Variants in ZNF721 observed in about 807,000 individuals in gnomAD.
The protein encoded by ZNF721 is zinc finger protein 721.
ZNF721 carries 2 observed loss-of-function variants against 2.4 expected under a neutral mutation model. The observed-to-expected ratio is 0.82, with a 90% CI of 0.34 to 2.58. The LOEUF (loss-of-function observed/expected upper bound fraction) is 2.58, where lower values mean the gene tolerates loss of function less well. Among genes scored for constraint, ZNF721 ranks in the 30% most tolerant of loss-of-function variants. ZNF721 has a pLI of 0.11. For synonymous variants in ZNF721, 398 were observed against 381.8 expected, an observed-to-expected ratio of 1.04 and a Z score of -0.50; for missense variants, 1,187 against 1,085.5, an observed-to-expected ratio of 1.09 and a Z score of -1.31.
At position 443,499 on chromosome 4, in the gene ZNF721, T is replaced by A. The variant is rs1553863662; in HGVS notation, c.968A>T (p.His323Leu). Residue 323 changes from histidine to leucine, a missense_variant, in exon 3 of 3, where the codon CAT (histidine) becomes CTT (leucine). His to Leu is a moderately conservative substitution (Grantham distance 99). Coordinates refer to ENST00000511833, the MANE Select transcript of ZNF721 (RefSeq NM_133474.4). Reference protein sequence around the residue: ...AFRQSANLYVHRRIHTGEKPY... With the variant: ...AFRQSANLYVLRRIHTGEKPY... ...TTTCTCTCCAGTATGAATTCTCCTA[T>A]GTACATAAAGGTTTGCGGACTGTCT... 6.2e-7 allele frequency: 1 copy of A among 1,613,822 alleles called. No individual in the cohort carries two copies. Among genetic ancestry groups the A allele is most frequent in the African/African-American group, 1.3e-5 (1 of 74,934 alleles).
intron 2 of ZNF721, among the ~76,000 whole-genome samples, chr4:466,987 G>A (rs1313689493): frequency 6.6e-6 from 1 of 152,202 alleles, no homozygotes; most frequent in African/African-American, 2.4e-5. Context: ...GGGAGGCCAA[G>A]GCAGGCAGAT....
chr4:473,971 G>A, intron 1 of ZNF721: 3 of 1,505,872 alleles, frequency 2.0e-6, no homozygotes, highest in Non-Finnish European at 1.8e-6. Context: ...GCCCTGCCCC[G>A]CACACTCACC....
chr4:483,181 T>C (rs1257280679), intron 1 of ZNF721, among the ~76,000 whole-genome samples: 1 of 152,210 alleles, frequency 6.6e-6, no homozygotes, highest in Non-Finnish European at 1.5e-5. Flanking sequence ...CAGCCTATTA[T>C]ACTATTTTGG....
rs1553863016 is a variant in ZNF721, at chr4:440,952, C to T, written c.*743G>A. ...AAGTGTTGGGATTACAGGCGTGAGC[C>T]ACCGCGCCTGGCCTCTGGTTTCTTA... On this transcript the variant is annotated 3_prime_UTR_variant, in exon 3 of 3. Transcript: ENST00000511833. 6.6e-6 allele frequency: 1 copy of T among 152,330 alleles called. No individual in the cohort carries two copies. Among genetic ancestry groups the T allele is most frequent in the East Asian group, 1.9e-4 (1 of 5,196 alleles). The allele number at this position is 152,330 out of a possible 1,614,324, so 9.4% of individuals were successfully genotyped here.
chr4:453,074 AG>A (rs1451807447), intron 2 of ZNF721, among the ~76,000 whole-genome samples: 1 of 152,252 alleles, frequency 6.6e-6, no homozygotes, highest in Non-Finnish European at 1.5e-5. Flanking sequence ...CCAGAGGACC[AG>A]AAACATGCCT....
Position 442,204 on chromosome 4 carries a change from A to G in ZNF721, c.2263T>C (p.Cys755Arg), listed in dbSNP as rs782291853. 5 of 1,612,282 alleles carry G rather than the reference A, an allele frequency of 3.1e-6. No homozygotes were observed. Among genetic ancestry groups the G allele is most frequent in the Non-Finnish European group, 4.2e-6 (5 of 1,178,946 alleles). ...TTAAACACTTTCCCACATTCTTTACATTTGTAGAGTTTATCTCCAGTATGA... is the reference window on the plus strand; with the variant it reads ...TTAAACACTTTCCCACATTCTTTACGTTTGTAGAGTTTATCTCCAGTATGA... ...KIHTGDKLYKCKECGKVFKQS... is the reference protein window; with the variant it reads ...KIHTGDKLYKRKECGKVFKQS... Residue 755 changes from cysteine to arginine, a missense_variant, in exon 3 of 3, where the codon TGT becomes CGT. Cys to Arg is a radical substitution (Grantham distance 180). Transcript: ENST00000511833.
intron 2 of ZNF721, among the ~76,000 whole-genome samples, chr4:459,338 TA>T (rs1714944072): frequency 6.6e-6 from 1 of 152,074 alleles, no homozygotes; most frequent in East Asian, 1.9e-4. Context: ...ATGCCCCAAT[TA>T]AAAGACACAG....
chr4:458,862 A>G (rs1714925491), intron 2 of ZNF721, among the ~76,000 whole-genome samples: 1 of 151,762 alleles, frequency 6.6e-6, no homozygotes, highest in Non-Finnish European at 1.5e-5. Flanking sequence ...AAAAAAACAG[A>G]TCTAAAAAAT....
In ZNF721 at chr4:444,002, G is replaced by C. The variant is rs781903108; in HGVS notation, c.465C>G (p.His155Gln). ...GTTTCTCTCCAGTATGAATTTTCTTGTGTTGATTCAGGTCTGTGTACCATC... is the reference window on the plus strand; with the variant it reads ...GTTTCTCTCCAGTATGAATTTTCTTCTGTTGATTCAGGTCTGTGTACCATC... ...DFGWYTDLNQ[H>Q]KKIHTGEKPY... is the part of the protein sequence containing the mutation. The change falls in exon 3 of 3, where the codon CAC becomes CAG. Residue 155 changes from histidine (H) to glutamine (Q), a missense_variant. Coordinates refer to ENST00000511833, the MANE Select transcript of ZNF721 (RefSeq NM_133474.4). 16 of 1,613,884 alleles carry C rather than the reference G, an allele frequency of 9.9e-6. No individual in the cohort carries two copies. Among genetic ancestry groups the C allele is most frequent in the East Asian group, 2.2e-5 (1 of 44,830 alleles).
At chr4:446,910 C>T (rs1482492861) in intron 2 of ZNF721, among the ~76,000 whole-genome samples, 2 of 151,438 alleles carry the variant, frequency 1.3e-5, no homozygotes, top group Non-Finnish European at 2.9e-5. Flanking sequence ...AGGATGGTCT[C>T]GATCTCTTTA....
chr4:495,363 A>G (rs1716123770), intron 1 of ZNF721, among the ~76,000 whole-genome samples: 1 of 149,612 alleles, frequency 6.7e-6, no homozygotes, highest in African/African-American at 2.4e-5. Context: ...AGGTCCTAGG[A>G]GAGAAAAACA....
intron 2 of ZNF721, among the ~76,000 whole-genome samples, chr4:452,685 G>A (rs1377193042): frequency 1.3e-5 from 2 of 152,146 alleles, no homozygotes; most frequent in Admixed American, 6.5e-5. Context: ...GGGTACCTTT[G>A]GGGTTTTGGA....
intron 1 of ZNF721, among the ~76,000 whole-genome samples, chr4:496,343 T>C (rs924034467): frequency 6.6e-6 from 1 of 151,888 alleles, no homozygotes; most frequent in African/African-American, 2.4e-5. Context: ...TGGCACAGTG[T>C]CAGAGGCTCA....
chr4:456,164 G>A (rs920707285), intron 2 of ZNF721, among the ~76,000 whole-genome samples: 7 of 152,028 alleles, frequency 4.6e-5, no homozygotes, highest in East Asian at 3.9e-4. Context: ...TCCGCCTCCC[G>A]GGTTCAAGTG....
chr4:465,326 G>C (rs542688137), intron 2 of ZNF721, among the ~76,000 whole-genome samples: 1 of 152,116 alleles, frequency 6.6e-6, no homozygotes, highest in African/African-American at 2.4e-5. Context: ...AGTTGAGGCC[G>C]AACTGAGCTG....
intron 1 of ZNF721, among the ~76,000 whole-genome samples, chr4:485,989 A>T (rs1315664040): frequency 5.3e-5 from 8 of 151,810 alleles, no homozygotes; most frequent in African/African-American, 1.9e-4. Context: ...TAAATAAATA[A>T]ATAAATAAAT....
At chr4:475,051 G>T (rs1194830136) in intron 1 of ZNF721, among the ~76,000 whole-genome samples, 2 of 152,070 alleles carry the variant, frequency 1.3e-5, no homozygotes, top group African/African-American at 4.8e-5. Flanking sequence ...GCCGGGCGTG[G>T]TGGGGGGCGC....
intron 2 of ZNF721, among the ~76,000 whole-genome samples, chr4:450,460 C>G (rs1553864710): frequency 6.6e-6 from 1 of 152,022 alleles, no homozygotes; most frequent in Admixed American, 6.6e-5. Flanking sequence ...TATGTGAAAT[C>G]TAATATAAAC....
intron 2 of ZNF721, among the ~76,000 whole-genome samples, chr4:456,694 C>G (rs1714859077): frequency 6.6e-6 from 1 of 152,158 alleles, no homozygotes; most frequent in South Asian, 2.1e-4. Context: ...TTCTGGCTAA[C>G]ATGGTGAAAC....
Sources: allele counts gnomAD v4.1 joint callset (sites outside exome capture counted in the v4.1 genomes callset), GRCh38; gene constraint gnomAD v4.1.1; transcripts MANE v1.5; gene names NCBI Gene and HGNC (gene_info 2026-07-23, HGNC 2026-07-21).